The following EEA1 variants were observed in gnomAD, a reference collection of about 807,000 sequenced individuals.
EEA1 encodes the protein early endosome antigen 1.
A neutral mutation model predicts 209.2 loss-of-function variants in EEA1; 111 were observed. That is an observed-to-expected ratio of 0.53 (90% CI 0.45 to 0.62). The LOEUF is 0.62. Among genes scored for constraint, EEA1 ranks in the 20% least tolerant of loss-of-function variants. EEA1 has a pLI of 0.00. For missense variants in EEA1, 1,343 were observed against 1,530.8 expected, an observed-to-expected ratio of 0.88 and a Z score of 2.05; for synonymous variants, 536 against 540.6, an observed-to-expected ratio of 0.99 and a Z score of 0.12.
chr12:92,827,340 T>C (rs948154355), intron 12 of EEA1, among the ~76,000 whole-genome samples: 2 of 151,938 alleles, frequency 1.3e-5, no homozygotes, highest in African/African-American at 4.8e-5. Context: ...GGTGACAGAG[T>C]GAGACCCTGT....
In EEA1 at chr12:92,913,683, C is replaced by G. The variant is rs1880661918; in HGVS notation, c.24+15360G>C. 7.2e-5 allele frequency among the ~76,000 whole-genome samples: 11 copies of G among 152,190 alleles called. No individual in the cohort carries two copies. In the South Asian group the frequency reaches 2.1e-3, roughly 29 times the overall value. On this transcript the variant is annotated intron_variant, in intron 1 of 28. Transcript: ENST00000322349. ...TTTGTTTGTTAGTTTGTTTTTGAGG[C>G]AGAGTCTTGCTCTGTCACCCGGGCT...
chr12:92,882,059 G>A (rs1592754785), intron 2 of EEA1, among the ~76,000 whole-genome samples: 1 of 151,744 alleles, frequency 6.6e-6, no homozygotes, highest in African/African-American at 2.4e-5. Context: ...TTGTTATGAC[G>A]ATTTTCCTTT....
chr12:92,875,177 C>T (rs1346479710), intron 2 of EEA1, among the ~76,000 whole-genome samples: 1 of 152,180 alleles, frequency 6.6e-6, no homozygotes, highest in Non-Finnish European at 1.5e-5. Flanking sequence ...TTAGGCCAGA[C>T]ACAGTGGCTC....
At chr12:92,841,999 A>G (rs1877184953) in intron 10 of EEA1, among the ~76,000 whole-genome samples, 1 of 152,252 alleles carries the variant, frequency 6.6e-6, no homozygotes, top group Admixed American at 6.5e-5. Context: ...ACATATATAC[A>G]TACAACAAAA....
intron 22 of EEA1, among the ~76,000 whole-genome samples, chr12:92,785,672 C>T (rs1874100105): frequency 6.6e-6 from 1 of 152,042 alleles, no homozygotes; most frequent in Non-Finnish European, 1.5e-5. Flanking sequence ...GAATGGCAGA[C>T]TTTGAATCAG....
At chr12:92,875,688 C>A (rs764774076) in intron 2 of EEA1, among the ~76,000 whole-genome samples, 1 of 152,126 alleles carries the variant, frequency 6.6e-6, no homozygotes, top group African/African-American at 2.4e-5. Context: ...TTAAAATTAT[C>A]CGATAGCTTT....
intron 1 of EEA1, among the ~76,000 whole-genome samples, chr12:92,917,582 C>G (rs1490443170): frequency 6.6e-6 from 1 of 151,780 alleles, no homozygotes; most frequent in African/African-American, 2.4e-5. Flanking sequence ...CCTAAAAGAG[C>G]TCCTGAAGGA....
chr12:92,849,505 G>C (rs1592735042), intron 9 of EEA1, among the ~76,000 whole-genome samples: 1 of 152,030 alleles, frequency 6.6e-6, no homozygotes, highest in East Asian at 1.9e-4. Context: ...CTTTTAACTG[G>C]CTTCAGTAAG....
chr12:92,916,406 G>C (rs1252742930), intron 1 of EEA1, among the ~76,000 whole-genome samples: 1 of 151,582 alleles, frequency 6.6e-6, no homozygotes, highest in Non-Finnish European at 1.5e-5. Flanking sequence ...TGTAATCCCA[G>C]CACTTTGGGT....
In EEA1 at chr12:92,790,725, C is replaced by T. The variant is rs143179482; in HGVS notation, c.2968-2676G>A. Among the ~76,000 whole-genome samples, 21 of 152,234 alleles carry T rather than the reference C, an allele frequency of 1.4e-4. No homozygotes were observed. In the East Asian group the frequency reaches 2.5e-3, roughly 18 times the overall value. On this transcript the variant is annotated intron_variant, in intron 21 of 28. Coordinates refer to ENST00000322349, the MANE Select transcript of EEA1 (RefSeq NM_003566.4). ...CAGGATATTACCCAGGAGAACTTCCCGAACCTAGCAAGGCAGGCCAACATT... is the reference window on the plus strand; with the variant it reads ...CAGGATATTACCCAGGAGAACTTCCTGAACCTAGCAAGGCAGGCCAACATT...
intron 1 of EEA1, among the ~76,000 whole-genome samples, chr12:92,928,599 G>C (rs910840934): frequency 6.6e-6 from 1 of 152,142 alleles, no homozygotes; most frequent in Non-Finnish European, 1.5e-5. Context: ...TGTCAAATTG[G>C]GGGGCACGGG....
chr12:92,866,423 G>T (rs903848835), intron 2 of EEA1, among the ~76,000 whole-genome samples: 2 of 151,686 alleles, frequency 1.3e-5, no homozygotes, highest in Non-Finnish European at 1.5e-5. Flanking sequence ...GTGGTGCTTC[G>T]GCACTGTAAG....
Position 92,802,429 on chromosome 12 carries a change from T to G in EEA1, c.2645A>C (p.Lys882Thr). ...CAAGTCTAATATAGCGGCTTTTCCT[T>G]TCTGATTCTCCTTTTCAAATTCACT... ...SKSEFEKENQKGKAAILDLEK... is the reference protein window; with the variant it reads ...SKSEFEKENQTGKAAILDLEK... Residue 882 changes from lysine (K) to threonine (T), a missense_variant, in exon 19 of 29, where the codon AAA (lysine) becomes ACA (threonine). Around this residue, in one of 3 missense-constraint regions of EEA1, gnomAD observed 1,307 missense variants for 1,465.5 expected, o/e 0.89. Coordinates refer to ENST00000322349, the MANE Select transcript of EEA1 (RefSeq NM_003566.4). 6.3e-7 allele frequency: 1 copy of G among 1,578,524 alleles called. No individual in the cohort carries two copies. The highest frequency in any genetic ancestry group is 8.5e-7 in the Non-Finnish European group (1 of 1,171,580).
Position 92,777,621 on chromosome 12 carries a change from T to G in EEA1, c.3936A>C (p.Lys1312Asn). ...CCAGCTTTCTTTGCAATTCTAATACTTTGGTTTGAAGCTTTTCTATTTCAC... is the reference window on the plus strand; with the variant it reads ...CCAGCTTTCTTTGCAATTCTAATACGTTGGTTTGAAGCTTTTCTATTTCAC... ...GEGEIEKLQT[K>N]VLELQRKLDN... is the part of the protein sequence containing the mutation. Residue 1312 changes from lysine to asparagine, a missense_variant, in exon 27 of 29, where the codon AAA (lysine) becomes AAC (asparagine). Transcript: ENST00000322349. 1 of 1,612,334 alleles carries G rather than the reference T, an allele frequency of 6.2e-7. No homozygotes were observed. Among genetic ancestry groups the G allele is most frequent in the Non-Finnish European group, 8.5e-7 (1 of 1,178,924 alleles).
At chr12:92,871,273 TC>T (rs1327099667) in intron 2 of EEA1, among the ~76,000 whole-genome samples, 1 of 152,166 alleles carries the variant, frequency 6.6e-6, no homozygotes, top group Non-Finnish European at 1.5e-5. Flanking sequence ...TATTGAAACT[TC>T]CTTTAAGCAT....
At chr12:92,881,802 T>C (rs1879159383) in intron 2 of EEA1, among the ~76,000 whole-genome samples, 1 of 152,210 alleles carries the variant, frequency 6.6e-6, no homozygotes, top group Non-Finnish European at 1.5e-5. Flanking sequence ...TGAAATGATA[T>C]AAAATATCAC....
chr12:92,916,276 AAGGGAAC>A (rs1349285506), intron 1 of EEA1, among the ~76,000 whole-genome samples: 2 of 152,160 alleles, frequency 1.3e-5, no homozygotes, highest in Admixed American at 1.3e-4. Flanking sequence ...AAACTCACTT[AAGGGAAC>A]AGGGAAAGGT....
chr12:92,922,856 G>A (rs1158768835), intron 1 of EEA1, among the ~76,000 whole-genome samples: 1 of 151,934 alleles, frequency 6.6e-6, no homozygotes, highest in African/African-American at 2.4e-5. Context: ...TACTCAGGAG[G>A]CTGAGGCAGG....
At chr12:92,830,028 G>GGTTGAAAAATTACCT (rs1299939556) in intron 11 of EEA1, among the ~76,000 whole-genome samples, 1 of 151,692 alleles carries the variant, frequency 6.6e-6, no homozygotes, top group African/African-American at 2.4e-5. Context: ...GGCGGGTGAG[G>GGTTGAAAAATTACCT]GTTGAAAAAT....
Sources: allele counts gnomAD v4.1 joint callset (sites outside exome capture counted in the v4.1 genomes callset), GRCh38; gene constraint gnomAD v4.1.1; regional missense constraint gnomAD v4.1.1; transcripts MANE v1.5; gene names NCBI Gene and HGNC (gene_info 2026-07-23, HGNC 2026-07-21).